HDAC4: variants seen among roughly 807,000 people sequenced by gnomAD.
HDAC4 encodes the protein histone deacetylase 4.
A neutral mutation model predicts 135.1 loss-of-function variants in HDAC4; 16 were observed. That is an observed-to-expected ratio of 0.12 (90% CI 0.08 to 0.18). The LOEUF (loss-of-function observed/expected upper bound fraction) is 0.18. Ranked by LOEUF, HDAC4 falls within the 10% of genes least tolerant of loss-of-function variation. The probability of loss-of-function intolerance (pLI) is 1.00; values close to 1 mark genes in which losing one functional copy is unlikely to be tolerated. For synonymous variants in HDAC4, 685 were observed against 653.4 expected, an observed-to-expected ratio of 1.05 and a Z score of -0.74; for missense variants, 1,143 against 1,511.8, an observed-to-expected ratio of 0.76 and a Z score of 4.05.
intron 2 of HDAC4, among the ~76,000 whole-genome samples, chr2:239,350,071 A>G (rs1424211564): frequency 1.3e-5 from 2 of 152,224 alleles, no homozygotes; most frequent in African/African-American, 4.8e-5. Context: ...CGGTTTCCAG[A>G]GCTGAGCCTC....
At chr2:239,298,846 C>A (rs944437632) in intron 2 of HDAC4, among the ~76,000 whole-genome samples, 2 of 150,468 alleles carry the variant, frequency 1.3e-5, no homozygotes, top group African/African-American at 2.5e-5. Context: ...GGAAGCAACC[C>A]TTCATGGCCA....
At chr2:239,195,298 A>ATGCGC (rs1301219106) in intron 3 of HDAC4, among the ~76,000 whole-genome samples, 1 of 152,216 alleles carries the variant, frequency 6.6e-6, no homozygotes, top group African/African-American at 2.4e-5. Context: ...CCTGCATCCC[A>ATGCGC]TGCGCACCTC....
chr2:239,308,260 T>C lies in HDAC4; in HGVS notation c.22+44418A>G, dbSNP rs959633175. On this transcript the variant is annotated intron_variant, in intron 2 of 26. Coordinates refer to ENST00000543185, the MANE Select transcript of HDAC4 (RefSeq NM_001378414.1). The surrounding 1 kb of genome is among the most constrained non-coding windows in gnomAD (Gnocchi z 4.2). ...GAGACCCGGGGGGGAGTCCACTGCCTTGGGGACACGAGGGAGCCAGGGTCA... is the reference window on the plus strand; with the variant it reads ...GAGACCCGGGGGGGAGTCCACTGCCCTGGGGACACGAGGGAGCCAGGGTCA... Among the ~76,000 whole-genome samples the C allele has an allele frequency of 6.6e-6, 1 of 152,132 alleles. No homozygotes were observed. Among genetic ancestry groups the C allele is most frequent in the African/African-American group, 2.4e-5 (1 of 41,432 alleles).
At position 239,313,154 on chromosome 2, in the gene HDAC4, C is replaced by G. The variant is rs960264768; in HGVS notation, c.22+39524G>C. 6.6e-6 allele frequency among the ~76,000 whole-genome samples: 1 copy of G among 152,186 alleles called. No homozygotes were observed. Among genetic ancestry groups the G allele is most frequent in the East Asian group, 1.9e-4 (1 of 5,186 alleles). ...GGTGGCGGAGGAGGAAGCTGCAGCC[C>G]GTTATCCACCGCCCAGTCTCTCCCT... On this transcript the variant is annotated intron_variant, in intron 2 of 26. Transcript: ENST00000543185. The surrounding 1 kb of genome is among the most constrained non-coding windows in gnomAD (Gnocchi z 5.1).
At chr2:239,377,621 C>T (rs547285412) in intron 1 of HDAC4, among the ~76,000 whole-genome samples, 19 of 152,338 alleles carry the variant, frequency 1.2e-4, no homozygotes, top group Non-Finnish European at 2.4e-4. Flanking sequence ...CTGGAGCAGC[C>T]GAGGTGCGGG....
chr2:239,191,868 C>T (rs1322527671), intron 3 of HDAC4, among the ~76,000 whole-genome samples: 2 of 152,240 alleles, frequency 1.3e-5, no homozygotes, highest in African/African-American at 4.8e-5. Context: ...TGAAAAGACA[C>T]AAAGCAACCC....
intron 4 of HDAC4, among the ~76,000 whole-genome samples, chr2:239,181,736 C>G (rs534347558): frequency 6.6e-6 from 1 of 152,174 alleles, no homozygotes; most frequent in Non-Finnish European, 1.5e-5. Flanking sequence ...GCACTTGCAC[C>G]TAAATATTTA....
intron 4 of HDAC4, among the ~76,000 whole-genome samples, chr2:239,185,567 G>T (rs568227801): frequency 4.6e-5 from 7 of 152,178 alleles, no homozygotes; most frequent in Middle Eastern, 3.4e-3. Context: ...CCCTGAGGTG[G>T]GTGCCGGGGC....
chr2:239,062,714 A>G (rs1165856857), intron 24 of HDAC4, among the ~76,000 whole-genome samples: 3 of 152,244 alleles, frequency 2.0e-5, no homozygotes, highest in Non-Finnish European at 4.4e-5. Flanking sequence ...AAGGACCTGT[A>G]AAGTGCTTTG....
intron 2 of HDAC4, among the ~76,000 whole-genome samples, chr2:239,251,226 A>T (rs927823860): frequency 5.9e-5 from 9 of 152,220 alleles, no homozygotes; most frequent in African/African-American, 2.2e-4. Context: ...ACAAAATTTT[A>T]TTTCTAAAAA....
chr2:239,397,719 C>T (rs975832352), intron 1 of HDAC4, among the ~76,000 whole-genome samples: 2 of 152,202 alleles, frequency 1.3e-5, no homozygotes, highest in African/African-American at 4.8e-5. Context: ...GAAAACTGAC[C>T]GTATGAAGAG....
chr2:239,110,705 T>C (rs1295420366), intron 14 of HDAC4, among the ~76,000 whole-genome samples: 1 of 152,246 alleles, frequency 6.6e-6, no homozygotes, highest in Non-Finnish European at 1.5e-5. Context: ...TTTTTCTTAG[T>C]GCGTCATTAA....
At chr2:239,315,509 A>G (rs1432562548) in intron 2 of HDAC4, among the ~76,000 whole-genome samples, 1 of 152,210 alleles carries the variant, frequency 6.6e-6, no homozygotes, top group African/African-American at 2.4e-5. Flanking sequence ...ACCACATGCT[A>G]AAACACGCCT....
chr2:239,298,324 C>A, intron 2 of HDAC4: 1 of 1,228,328 alleles, frequency 8.1e-7, no homozygotes, highest in Middle Eastern at 2.7e-4. Flanking sequence ...CTGGGCATCA[C>A]GTGGAGATGA....
At position 239,053,545 on chromosome 2, in the gene HDAC4, C is replaced by G; in HGVS notation, c.3145G>C (p.Glu1049Gln). The stretch of plus-strand genomic sequence containing the variant: ...TCTTCGTTCTCGCAAGTCTGAGCCT[C>G]GATCAGAGAACGCCCCGCTGTGGAG... ...TTSTAGRSLI[E>Q]AQTCENEEAE... is the part of the protein sequence containing the mutation. The change falls in exon 26 of 27, where the codon GAG becomes CAG. Residue 1049 changes from glutamate to glutamine, a missense_variant. Transcript: ENST00000543185. 1 of 1,613,866 alleles carries G rather than the reference C, an allele frequency of 6.2e-7. No homozygotes were observed. Among genetic ancestry groups the G allele is most frequent in the Non-Finnish European group, 8.5e-7 (1 of 1,179,930 alleles).
At chr2:239,064,951 C>T (rs889238002) in intron 24 of HDAC4, among the ~76,000 whole-genome samples, 7 of 152,228 alleles carry the variant, frequency 4.6e-5, no homozygotes, top group African/African-American at 1.2e-4. Flanking sequence ...ACAATGCGAA[C>T]GATGCCTGCA....
At chr2:239,354,562 A>ATT (rs566361037) in intron 1 of HDAC4, among the ~76,000 whole-genome samples, 38 of 76,580 alleles carry the variant, frequency 5.0e-4, no homozygotes, top group South Asian at 1.9e-3. Context: ...TAGTCTAGAA[A>ATT]TTTTTTTTTT....
At chr2:239,105,802 C>T (rs999181728) in intron 15 of HDAC4, among the ~76,000 whole-genome samples, 3 of 152,198 alleles carry the variant, frequency 2.0e-5, no homozygotes, top group Admixed American at 1.3e-4. Context: ...AACCATGCCC[C>T]GTACCCATGG....
intron 12 of HDAC4, among the ~76,000 whole-genome samples, chr2:239,121,032 C>G (rs1344131307): frequency 6.7e-6 from 1 of 148,174 alleles, no homozygotes; most frequent in Admixed American, 6.9e-5. Flanking sequence ...GGGTCTTGCT[C>G]TGTTGCCCAG....
Sources: allele counts gnomAD v4.1 joint callset (sites outside exome capture counted in the v4.1 genomes callset), GRCh38; gene constraint gnomAD v4.1.1; non-coding constraint Gnocchi (gnomAD v3.1); transcripts MANE v1.5; gene names NCBI Gene and HGNC (gene_info 2026-07-23, HGNC 2026-07-21).